INPP5B: variants seen among roughly 807,000 people sequenced by gnomAD.
INPP5B encodes inositol polyphosphate-5-phosphatase B, also known as type II inositol 1,4,5-trisphosphate 5-phosphatase.
Under a neutral mutation model 118.5 loss-of-function variants are expected in INPP5B, and 90 were observed. The observed-to-expected ratio is 0.76, with a 90% confidence interval of 0.64 to 0.90. INPP5B has a LOEUF of 0.90. Ranked by LOEUF, INPP5B falls within the 40% of genes least tolerant of loss-of-function variation. INPP5B has a pLI of 0.00. For synonymous variants in INPP5B, 385 were observed against 418.9 expected (o/e 0.92, Z 0.99); for missense variants, 984 against 1,125.6 (o/e 0.87, Z 1.80).
chr1:37,943,542 A>C, intron 5 of INPP5B, 98 bp downstream of exon 5: 1 of 1,314,908 alleles, frequency 7.6e-7, no homozygotes, highest in Non-Finnish European at 1.1e-6. Context: ...TGCTGCAATA[A>C]GTTTAGCAGG....
chr1:37,875,660 G>A lies in INPP5B; in HGVS notation c.1734C>T (p.Ser578=), dbSNP rs770189923. 4 of 1,613,986 alleles carry A rather than the reference G, an allele frequency of 2.5e-6. No homozygotes were observed. The highest frequency in any genetic ancestry group is 2.5e-6 in the Non-Finnish European group (3 of 1,180,014). ...YRKTLEEIVR[S]LDKMENANIP... is the part of the protein sequence containing the mutation. ...TGTTGGCATTTTCCATCTTATCCAG[G>A]GAGCGAACAATTTCCTCCAGTGTCT... Residue 578 remains serine (S), a synonymous_variant, in exon 17 of 24, where the codon TCC becomes TCT. Coordinates refer to ENST00000373024, the MANE Select transcript of INPP5B (RefSeq NM_005540.3).
At chr1:37,891,085 G>C (rs1007169178) in intron 8 of INPP5B, among the ~76,000 whole-genome samples, 1 of 151,952 alleles carries the variant, frequency 6.6e-6, no homozygotes, top group African/African-American at 2.4e-5. Context: ...AATTAGCCAG[G>C]TGTGGTGGCA....
chr1:37,931,693 G>C (rs768975196), intron 7 of INPP5B: 12 of 1,531,374 alleles, frequency 7.8e-6, no homozygotes, highest in Admixed American at 2.0e-5. Flanking sequence ...GCGCTCCCGA[G>C]AGCCGGCGGC....
intron 7 of INPP5B, among the ~76,000 whole-genome samples, chr1:37,895,513 C>T (rs1343085794): frequency 6.6e-6 from 1 of 151,544 alleles, no homozygotes; most frequent in Non-Finnish European, 1.5e-5. Context: ...CTCTCTCTCT[C>T]CCCACAGTCT....
intron 7 of INPP5B, among the ~76,000 whole-genome samples, chr1:37,921,372 C>T (rs79729525): frequency 0.018 from 2,752 of 152,256 alleles, 37 homozygotes; most frequent in Non-Finnish European, 0.025. Flanking sequence ...ACACAGGGCA[C>T]CTGGCATTGA....
intron 8 of INPP5B, among the ~76,000 whole-genome samples, chr1:37,891,082 C>T (rs1221752348): frequency 6.6e-6 from 1 of 151,796 alleles, no homozygotes; most frequent in Non-Finnish European, 1.5e-5. Flanking sequence ...CAAAATTAGC[C>T]AGGTGTGGTG....
intron 7 of INPP5B, among the ~76,000 whole-genome samples, chr1:37,908,425 T>G (rs1644571907): frequency 6.6e-6 from 1 of 152,134 alleles, no homozygotes; most frequent in African/African-American, 2.4e-5. Flanking sequence ...ATTCCAATTC[T>G]TTTTCCTCTC....
chr1:37,909,983 A>C (rs1644634691), intron 7 of INPP5B, among the ~76,000 whole-genome samples: 1 of 152,088 alleles, frequency 6.6e-6, no homozygotes, highest in Non-Finnish European at 1.5e-5. Context: ...GATTCCTCCT[A>C]AGCCGTGTCC....
intron 8 of INPP5B, among the ~76,000 whole-genome samples, chr1:37,890,693 A>G (rs188861142): frequency 1.9e-3 from 283 of 152,278 alleles, no homozygotes; most frequent in Admixed American, 4.5e-3. Flanking sequence ...TAAAAGAATG[A>G]AAGAGTGAAA....
chr1:37,878,436 G>A (rs1330317708), intron 15 of INPP5B, 113 bp from the exon 16 acceptor site: 4 of 1,498,174 alleles, frequency 2.7e-6, no homozygotes, highest in Non-Finnish European at 3.6e-6. Context: ...TGTCCATGTG[G>A]CTAAGTCATC....
intron 7 of INPP5B, among the ~76,000 whole-genome samples, chr1:37,895,816 T>C (rs1486447755): frequency 6.6e-6 from 1 of 152,210 alleles, no homozygotes; most frequent in East Asian, 1.9e-4. Flanking sequence ...CACTCAGTGC[T>C]CAATGGTGCC....
intron 5 of INPP5B, chr1:37,941,958 A>AAAAAAAAAAAAATATAT (rs1427344681): frequency 3.3e-5 from 1 of 30,384 alleles, no homozygotes; most frequent in African/African-American, 1.5e-4. Context: ...AAAAAAAAAA[A>AAAAAAAAAAAAATATAT]ATATATATAT....
chr1:37,939,132 T>A (rs552638099), intron 6 of INPP5B, among the ~76,000 whole-genome samples: 9 of 146,718 alleles, frequency 6.1e-5, no homozygotes, highest in Non-Finnish European at 1.3e-4. Context: ...AGGCGGAGGT[T>A]GCAGCGAGCC....
chr1:37,881,568 T>G (rs577346023), intron 14 of INPP5B, among the ~76,000 whole-genome samples: 13 of 152,184 alleles, frequency 8.5e-5, no homozygotes, highest in Admixed American at 2.0e-4. Flanking sequence ...ATAGTAAAAA[T>G]GTAGGTATGA....
At chr1:37,920,741 C>A (rs1360777644) in intron 7 of INPP5B, among the ~76,000 whole-genome samples, 2 of 152,052 alleles carry the variant, frequency 1.3e-5, no homozygotes, top group African/African-American at 2.4e-5. Context: ...TTTTCGACTC[C>A]GCCAATGACC....
chr1:37,937,235 C>T (rs1408288095), intron 6 of INPP5B, among the ~76,000 whole-genome samples: 2 of 151,844 alleles, frequency 1.3e-5, no homozygotes, highest in African/African-American at 4.8e-5. Flanking sequence ...CACTTGAATC[C>T]AAGAGGCGGA....
chr1:37,910,588 C>A (rs1032096243), intron 7 of INPP5B, among the ~76,000 whole-genome samples: 1 of 151,980 alleles, frequency 6.6e-6, no homozygotes, highest in Non-Finnish European at 1.5e-5. Context: ...GATGATGCAC[C>A]CCTTACCATC....
intron 19 of INPP5B, among the ~76,000 whole-genome samples, chr1:37,872,242 T>C (rs1347972109): frequency 6.6e-6 from 1 of 151,466 alleles, no homozygotes; most frequent in Non-Finnish European, 1.5e-5. Context: ...TGGTGGCGCA[T>C]GCCTGTAGTC....
In INPP5B at chr1:37,885,816, C is replaced by T; in HGVS notation, c.1141G>A (p.Gly381Arg). ...AACTGGAACCTGATCGCCACGCCTC[C>T]CTTGTTGCCCTATGGAAAGGATCCC... ...TGIMGRMGNK[G>R]GVAIRFQFHN... is the part of the protein sequence containing the mutation. Residue 381 changes from glycine to arginine, a missense_variant, in exon 13 of 24, where the codon GGA becomes AGA. Around this residue, in one of 2 missense-constraint regions of INPP5B, gnomAD observed 634 missense variants for 791.0 expected, o/e 0.80. Coordinates refer to ENST00000373024, the MANE Select transcript of INPP5B (RefSeq NM_005540.3). 6.2e-7 allele frequency: 1 copy of T among 1,613,852 alleles called. No individual in the cohort carries two copies. The highest frequency in any genetic ancestry group is 1.1e-5 in the South Asian group (1 of 91,068).
Sources: gnomAD v4.1 joint callset for allele counts (sites outside exome capture counted in the v4.1 genomes callset) on GRCh38, gnomAD v4.1.1 for gene constraint, gnomAD v4.1.1 regional missense constraint, MANE v1.5 for transcripts, NCBI Gene and HGNC (gene_info 2026-07-23, HGNC 2026-07-21) for gene names.